The following UBE2E2 variants were observed in gnomAD, a reference collection of about 807,000 sequenced individuals.
The protein encoded by UBE2E2 is ubiquitin-conjugating enzyme E2 E2.
In UBE2E2, 6 loss-of-function variants were observed where a neutral mutation model predicts 24.7. That is an observed-to-expected ratio of 0.24 (90% confidence interval 0.13 to 0.48). UBE2E2 has a LOEUF of 0.48. Among genes scored for constraint, UBE2E2 ranks in the 20% least tolerant of loss-of-function variants. The pLI, the probability that UBE2E2 is intolerant of heterozygous loss-of-function variation, is 0.99. For synonymous variants in UBE2E2, 104 were observed against 83.6 expected (o/e 1.24, Z -1.33); for missense variants, 169 against 245.0 (o/e 0.69, Z 2.07).
At chr3:23,324,792 T>TA (rs34708529) in intron 3 of UBE2E2, among the ~76,000 whole-genome samples, 60,242 of 147,644 alleles carry the variant, frequency 0.41, 12,335 homozygotes, top group Non-Finnish European at 0.43. Context: ...GAAAAGAATT[T>TA]AAAAAAAAAA....
chr3:23,561,921 A>G (rs1194912551), intron 5 of UBE2E2, among the ~76,000 whole-genome samples: 1 of 152,168 alleles, frequency 6.6e-6, no homozygotes, highest in African/African-American at 2.4e-5. Flanking sequence ...TTGATTTTGT[A>G]TCCTGAGACT....
chr3:23,417,243 C>T (rs1386064285), intron 3 of UBE2E2, among the ~76,000 whole-genome samples: 1 of 152,090 alleles, frequency 6.6e-6, no homozygotes, highest in African/African-American at 2.4e-5. Flanking sequence ...TCTGTGTGGA[C>T]GTCCTTTTCG....
chr3:23,463,168 C>T (rs781201025), intron 3 of UBE2E2, among the ~76,000 whole-genome samples: 1 of 152,002 alleles, frequency 6.6e-6, no homozygotes, highest in Admixed American at 6.6e-5. Flanking sequence ...TTAAAATTAT[C>T]TCTTTTTCCC....
At chr3:23,428,055 A>G (rs1387340382) in intron 3 of UBE2E2, among the ~76,000 whole-genome samples, 3 of 152,228 alleles carry the variant, frequency 2.0e-5, no homozygotes, top group Non-Finnish European at 2.9e-5. Context: ...CAACAGAATC[A>G]TCAGTCAGTT....
At chr3:23,217,409 T>G in intron 3 of UBE2E2, 97 bp downstream of exon 3, 1 of 1,086,822 alleles carries the variant, frequency 9.2e-7, no homozygotes. Flanking sequence ...TCTGATTAAT[T>G]AGTAAAAACA....
chr3:23,436,030 T>C (rs1178311955), intron 3 of UBE2E2, among the ~76,000 whole-genome samples: 1 of 152,078 alleles, frequency 6.6e-6, no homozygotes, highest in Non-Finnish European at 1.5e-5. Flanking sequence ...TCCCCACTGC[T>C]ATGAGGATCT....
intron 3 of UBE2E2, among the ~76,000 whole-genome samples, chr3:23,392,901 A>G (rs1362020583): frequency 1.3e-5 from 2 of 152,206 alleles, no homozygotes; most frequent in African/African-American, 4.8e-5. Flanking sequence ...GGCTGAGAAC[A>G]GCAAGTCTGA....
At chr3:23,585,660 AT>A (rs1696608906) in intron 5 of UBE2E2, among the ~76,000 whole-genome samples, 1 of 152,190 alleles carries the variant, frequency 6.6e-6, no homozygotes, top group Non-Finnish European at 1.5e-5. Context: ...TTTGATTTCA[AT>A]TTACTTATCT....
At chr3:23,406,023 T>C (rs1388525044) in intron 3 of UBE2E2, among the ~76,000 whole-genome samples, 1 of 152,192 alleles carries the variant, frequency 6.6e-6, no homozygotes, top group East Asian at 1.9e-4. Context: ...TCTTCTCAGT[T>C]GTGAAGAATA....
chr3:23,518,777 A>G (rs776883214), intron 4 of UBE2E2, among the ~76,000 whole-genome samples: 2 of 152,030 alleles, frequency 1.3e-5, no homozygotes, highest in African/African-American at 2.4e-5. Context: ...TGTGTTGCCC[A>G]TGTTTTCTCC....
At chr3:23,242,477 T>C (rs540214661) in intron 3 of UBE2E2, among the ~76,000 whole-genome samples, 2 of 147,972 alleles carry the variant, frequency 1.4e-5, no homozygotes, top group Non-Finnish European at 1.5e-5. Flanking sequence ...TATGGAAATA[T>C]GTTTTAAATT....
At position 23,261,952 on chromosome 3, in the gene UBE2E2, C is replaced by G. The variant is rs192874731; in HGVS notation, c.227+44640C>G. Among the ~76,000 whole-genome samples the G allele has an allele frequency of 3.8e-3, 582 of 152,262 alleles. 3 individuals are homozygous for G. The highest frequency in any genetic ancestry group is 0.013 in the African/African-American group (527 of 41,558). On this transcript the variant is annotated intron_variant, in intron 3 of 5. Transcript: ENST00000396703. ...CAGTTAACATGGAGTGCAGTTATCTCTTTGATATTCTGATTTCCATTCCTT... is the reference window on the plus strand; with the variant it reads ...CAGTTAACATGGAGTGCAGTTATCTGTTTGATATTCTGATTTCCATTCCTT...
Position 23,272,121 on chromosome 3 carries a change from C to G in UBE2E2, c.227+54809C>G, listed in dbSNP as rs529258845. Among the ~76,000 whole-genome samples, 10 of 152,280 alleles carry G rather than the reference C, an allele frequency of 6.6e-5. No individual in the cohort carries two copies. The South Asian group carries it at 2.1e-3, about 32-fold the overall frequency. ...AGGCTCGGTCCATGCTGGAGCCCAC[C>G]GCCAGGGGGCTCGGCCATGGCGGGC... On this transcript the variant is annotated intron_variant, in intron 3 of 5. Coordinates refer to ENST00000396703, the MANE Select transcript of UBE2E2 (RefSeq NM_152653.4).
intron 4 of UBE2E2, among the ~76,000 whole-genome samples, chr3:23,515,571 G>C (rs903598072): frequency 6.6e-6 from 1 of 152,118 alleles, no homozygotes; most frequent in African/African-American, 2.4e-5. Context: ...ATTAGTATGG[G>C]TGTATAACCA....
intron 3 of UBE2E2, among the ~76,000 whole-genome samples, chr3:23,454,051 T>C (rs1389432229): frequency 1.3e-5 from 2 of 152,090 alleles, no homozygotes; most frequent in African/African-American, 4.8e-5. Flanking sequence ...TTGCTAAATG[T>C]AAGTATTTAA....
chr3:23,434,688 A>C (rs558248530), intron 3 of UBE2E2, among the ~76,000 whole-genome samples: 1 of 152,344 alleles, frequency 6.6e-6, no homozygotes, highest in African/African-American at 2.4e-5. Context: ...ATAAAGATGT[A>C]CTACTGAGTT....
chr3:23,250,188 C>T (rs1020273161), intron 3 of UBE2E2, among the ~76,000 whole-genome samples: 1 of 152,128 alleles, frequency 6.6e-6, no homozygotes, highest in African/African-American at 2.4e-5. Flanking sequence ...AGAAACTTGC[C>T]AAAGTCACAG....
chr3:23,294,432 T>G (rs1057194600), intron 3 of UBE2E2, among the ~76,000 whole-genome samples: 25 of 152,016 alleles, frequency 1.6e-4, no homozygotes, highest in African/African-American at 6.0e-4. Flanking sequence ...GTGTGATGTT[T>G]TACCTTCCTT....
At chr3:23,368,408 C>G (rs1207858852) in intron 3 of UBE2E2, among the ~76,000 whole-genome samples, 28 of 152,080 alleles carry the variant, frequency 1.8e-4, no homozygotes, top group Admixed American at 1.8e-3. Context: ...TCAGGAAATT[C>G]GTAGAGGCAA....
Sources: gnomAD v4.1 joint callset for allele counts (sites outside exome capture counted in the v4.1 genomes callset) on GRCh38, gnomAD v4.1.1 for gene constraint, MANE v1.5 for transcripts, NCBI Gene and HGNC (gene_info 2026-07-23, HGNC 2026-07-21) for gene names.